DAG1: variants seen among roughly 807,000 people sequenced by gnomAD.
DAG1 encodes the protein dystroglycan 1, also known as dystroglycan 1 (dystrophin-associated glycoprotein 1).
Under a neutral mutation model 46.1 loss-of-function variants are expected in DAG1, and 8 were observed. The observed-to-expected ratio is 0.17, with a 90% CI of 0.10 to 0.31. The LOEUF (loss-of-function observed/expected upper bound fraction) is 0.31, where lower values mean the gene tolerates loss of function less well. Ranked by LOEUF, DAG1 falls within the 10% of genes least tolerant of loss-of-function variation. The pLI, the probability that DAG1 is intolerant of heterozygous loss-of-function variation, is 1.00. For synonymous variants in DAG1, 495 were observed against 481.8 expected, an observed-to-expected ratio of 1.03 and a Z score of -0.36; for missense variants, 1,003 against 1,189.9, an observed-to-expected ratio of 0.84 and a Z score of 2.31.
chr3:49,532,364 T>C lies in DAG1; in HGVS notation c.1853T>C (p.Leu618Pro). The C allele has an allele frequency of 6.2e-7, 1 of 1,614,172 alleles. No individual in the cohort carries two copies. Among genetic ancestry groups the C allele is most frequent in the Non-Finnish European group, 8.5e-7 (1 of 1,180,042 alleles). ...GCCAAGTTTGTGGGTGACCCGGCAC[T>C]GGTGTTGAATGACATCCACAAGAAG... ...FKAKFVGDPA[L>P]VLNDIHKKIA... The change falls in exon 3 of 3, where the codon CTG (leucine) becomes CCG (proline). Residue 618 changes from leucine to proline, a missense_variant. Leu to Pro is a moderately conservative substitution (Grantham distance 98). Transcript: ENST00000308775. The surrounding 1 kb of genome is among the most constrained non-coding windows in gnomAD (Gnocchi z 5.4).
chr3:49,489,269 T>C (rs1257251818), intron 1 of DAG1, among the ~76,000 whole-genome samples: 1 of 152,124 alleles, frequency 6.6e-6, no homozygotes, highest in Non-Finnish European at 1.5e-5. Context: ...ATTTTGTATT[T>C]TCAGTAGAAA....
chr3:49,514,850 C>T (rs1286454593), intron 2 of DAG1, among the ~76,000 whole-genome samples: 1 of 151,060 alleles, frequency 6.6e-6, no homozygotes, highest in Non-Finnish European at 1.5e-5. Flanking sequence ...CATACATAGA[C>T]ACACACACAC....
chr3:49,481,461 CAAGT>C (rs934129386), intron 1 of DAG1, among the ~76,000 whole-genome samples: 37 of 150,288 alleles, frequency 2.5e-4, no homozygotes, highest in Non-Finnish European at 4.1e-4. Flanking sequence ...TTATCAATGT[CAAGT>C]AAGGCAGATT....
At chr3:49,483,554 T>C (rs553975697) in intron 1 of DAG1, among the ~76,000 whole-genome samples, 88 of 152,034 alleles carry the variant, frequency 5.8e-4, no homozygotes, top group African/African-American at 2.1e-3. Flanking sequence ...TACGTTGCCG[T>C]CTAGGATTTT....
chr3:49,504,963 G>GTCTTCT (rs58407604), intron 1 of DAG1, among the ~76,000 whole-genome samples: 3 of 119,770 alleles, frequency 2.5e-5, no homozygotes, highest in Non-Finnish European at 5.3e-5. Context: ...CACCATTACA[G>GTCTTCT]TCTTCTTCTT....
At chr3:49,498,124 T>A (rs1179658004) in intron 1 of DAG1, among the ~76,000 whole-genome samples, 1 of 152,204 alleles carries the variant, frequency 6.6e-6, no homozygotes, top group Non-Finnish European at 1.5e-5. Flanking sequence ...TTAAATCTCT[T>A]GCTGTATATG....
Position 49,508,591 on chromosome 3 carries a change from G to A in DAG1, c.-116-1828G>A, listed in dbSNP as rs550024904. 1.1e-4 allele frequency among the ~76,000 whole-genome samples: 17 copies of A among 152,276 alleles called. No individual in the cohort carries two copies. The East Asian group carries it at 3.3e-3, about 29-fold the overall frequency. Reference sequence around the variant, plus strand: ...TTTTTTGTATTTGTAGTAGAGACGGGGTTTCACCATGTTGGCCAGGCTGGT... The same window carrying A: ...TTTTTTGTATTTGTAGTAGAGACGGAGTTTCACCATGTTGGCCAGGCTGGT... On this transcript the variant is annotated intron_variant, in intron 1 of 2. Transcript: ENST00000308775.
chr3:49,514,655 G>A (rs1575391910), intron 2 of DAG1, among the ~76,000 whole-genome samples: 2 of 149,972 alleles, frequency 1.3e-5, no homozygotes, highest in Non-Finnish European at 3.0e-5. Flanking sequence ...GTTTTTTTGG[G>A]GGGATGGAGT....
intron 1 of DAG1, among the ~76,000 whole-genome samples, chr3:49,477,765 C>T (rs1292092956): frequency 6.6e-6 from 1 of 151,852 alleles, no homozygotes; most frequent in African/African-American, 2.4e-5. Flanking sequence ...AGTCTGAGAC[C>T]AGCCTGGCCA....
intron 1 of DAG1, chr3:49,492,832 GGATCTCCTGA>G (rs1327876744): frequency 1.3e-5 from 2 of 151,846 alleles, no homozygotes; most frequent in African/African-American, 4.8e-5. Flanking sequence ...GATAGCCCTG[GGATCTCCTGA>G]ATTTCCAGGT....
chr3:49,531,504 C>G lies in DAG1; in HGVS notation c.993C>G (p.Ile331Met). ...VTAIGPPTTA[I>M]QEPPSRIVPT... ...CCATTGGGCCCCCAACCACGGCTAT[C>G]CAGGAGCCCCCATCCAGGATCGTGC... The change falls in exon 3 of 3, where the codon ATC becomes ATG. Residue 331 changes from isoleucine to methionine, a missense_variant. This residue lies in a region of DAG1 where 755 missense variants were observed against 854.1 expected (regional missense o/e 0.88). Coordinates refer to ENST00000308775, the MANE Select transcript of DAG1 (RefSeq NM_004393.6). This position sits in a 1 kb window ranked among gnomAD's most constrained non-coding sequence, Gnocchi z 7.0. The G allele has an allele frequency of 1.9e-6, 3 of 1,612,914 alleles. No homozygotes were observed. The highest frequency in any genetic ancestry group is 1.7e-6 in the Non-Finnish European group (2 of 1,179,104).
At chr3:49,491,736 A>G (rs1445945337) in intron 1 of DAG1, among the ~76,000 whole-genome samples, 2 of 151,834 alleles carry the variant, frequency 1.3e-5, no homozygotes, top group Non-Finnish European at 2.9e-5. Flanking sequence ...TCGGCCTCCC[A>G]AAGTGCTAGG....
At chr3:49,483,354 G>A (rs533934384) in intron 1 of DAG1, among the ~76,000 whole-genome samples, 8 of 151,886 alleles carry the variant, frequency 5.3e-5, no homozygotes, top group Non-Finnish European at 8.8e-5. Context: ...TACACCATGC[G>A]CCACCACACC....
intron 2 of DAG1, among the ~76,000 whole-genome samples, chr3:49,521,137 T>G (rs1213107413): frequency 2.0e-5 from 3 of 152,072 alleles, no homozygotes; most frequent in African/African-American, 7.2e-5. Flanking sequence ...TCATGGTGTT[T>G]TTTTTTGTTT....
chr3:49,506,136 C>T lies in DAG1; in HGVS notation c.-116-4283C>T, dbSNP rs550760751. ...CTAGGATTACAGGTGCCCGCCACCA[C>T]GCCTGGCTAATTTTTTGTATTTAGT... On this transcript the variant is annotated intron_variant, in intron 1 of 2. Transcript: ENST00000308775. Among the ~76,000 whole-genome samples, 10 of 151,940 alleles carry T rather than the reference C, an allele frequency of 6.6e-5. No homozygotes were observed. In the East Asian group the frequency reaches 1.2e-3, roughly 18 times the overall value.
chr3:49,504,715 T>G (rs1352414088), intron 1 of DAG1, among the ~76,000 whole-genome samples: 1 of 149,304 alleles, frequency 6.7e-6, no homozygotes, highest in Non-Finnish European at 1.5e-5. Context: ...GCCTCCCCAG[T>G]AGCTGAGTAG....
chr3:49,528,161 G>C (rs1292972335), intron 2 of DAG1, among the ~76,000 whole-genome samples: 3 of 151,382 alleles, frequency 2.0e-5, no homozygotes, highest in Non-Finnish European at 2.9e-5. Flanking sequence ...CAAAACAAGA[G>C]CATTCAACCT....
At chr3:49,507,817 A>G (rs1227894461) in intron 1 of DAG1, among the ~76,000 whole-genome samples, 1 of 152,030 alleles carries the variant, frequency 6.6e-6, no homozygotes, top group Non-Finnish European at 1.5e-5. Context: ...TGTCTTAAAA[A>G]AAAATTTTAT....
chr3:49,492,324 A>C (rs1228864932), intron 1 of DAG1, among the ~76,000 whole-genome samples: 1 of 152,240 alleles, frequency 6.6e-6, no homozygotes, highest in African/African-American at 2.4e-5. Flanking sequence ...TTACAAAATA[A>C]GACCTTTAAG....
Sources: allele counts gnomAD v4.1 joint callset (sites outside exome capture counted in the v4.1 genomes callset), GRCh38; gene constraint gnomAD v4.1.1; regional missense constraint gnomAD v4.1.1; non-coding constraint Gnocchi (gnomAD v3.1); transcripts MANE v1.5; gene names NCBI Gene and HGNC (gene_info 2026-07-23, HGNC 2026-07-21).